MYLK: variants seen among roughly 807,000 people sequenced by gnomAD.
MYLK encodes the protein myosin light chain kinase.
In MYLK, 106 loss-of-function variants were observed where a neutral mutation model predicts 203.4. The ratio of observed to expected loss-of-function variants is 0.52; its 90% CI spans 0.45 to 0.61. The LOEUF (loss-of-function observed/expected upper bound fraction) is 0.61. Ranked by LOEUF, MYLK falls within the 20% of genes least tolerant of loss-of-function variation. MYLK has a pLI of 0.00. For synonymous variants in MYLK, 867 were observed against 959.5 expected, an observed-to-expected ratio of 0.90 and a Z score of 1.78; for missense variants, 2,072 against 2,442.3, an observed-to-expected ratio of 0.85 and a Z score of 3.20.
At chr3:123,650,297 C>T (rs538039864) in intron 24 of MYLK, among the ~76,000 whole-genome samples, 12 of 152,186 alleles carry the variant, frequency 7.9e-5, no homozygotes, top group Non-Finnish European at 1.6e-4. Flanking sequence ...CCTCAGCCAT[C>T]GTCTGGGCTG....
At chr3:123,723,564 G>A (rs1239087196) in intron 12 of MYLK, among the ~76,000 whole-genome samples, 3 of 152,218 alleles carry the variant, frequency 2.0e-5, no homozygotes, top group Admixed American at 2.0e-4. Context: ...CCTTTTGAGA[G>A]CTCTCCTTTA....
intron 4 of MYLK, 148 bp downstream of exon 4, chr3:123,793,528 GA>G: frequency 1.2e-6 from 1 of 843,354 alleles, no homozygotes; most frequent in Non-Finnish European, 1.8e-6. Context: ...AAAAGAAAGA[GA>G]AAAGTGGCAC....
intron 31 of MYLK, chr3:123,625,227 G>A (rs926007993): frequency 2.0e-5 from 3 of 152,190 alleles, no homozygotes; most frequent in Admixed American, 6.5e-5. Flanking sequence ...CTCTGGTTGC[G>A]ACCAGGTCCG....
At chr3:123,758,803 G>T (rs1036506740) in intron 4 of MYLK, among the ~76,000 whole-genome samples, 1 of 152,108 alleles carries the variant, frequency 6.6e-6, no homozygotes, top group Non-Finnish European at 1.5e-5. Context: ...GCCAAACAAA[G>T]ATACAGATTT....
chr3:123,717,370 A>G (rs1412166657), intron 13 of MYLK, among the ~76,000 whole-genome samples: 1 of 152,234 alleles, frequency 6.6e-6, no homozygotes, highest in Non-Finnish European at 1.5e-5. Context: ...ATCAAAACAA[A>G]TACTCTAATA....
chr3:123,683,602 T>C (rs1638924986), intron 19 of MYLK, among the ~76,000 whole-genome samples: 1 of 152,160 alleles, frequency 6.6e-6, no homozygotes, highest in African/African-American at 2.4e-5. Flanking sequence ...ATCACCCCGA[T>C]AGGCTTTCTT....
At chr3:123,638,355 A>C (rs956008292) in intron 28 of MYLK, among the ~76,000 whole-genome samples, 161 bp from the exon 29 acceptor site, 2 of 152,120 alleles carry the variant, frequency 1.3e-5, no homozygotes, top group African/African-American at 4.8e-5. Flanking sequence ...CTTGTTAAAC[A>C]GGTGCGTCAA....
chr3:123,776,209 C>G (rs114113178), intron 4 of MYLK, among the ~76,000 whole-genome samples: 1 of 152,130 alleles, frequency 6.6e-6, no homozygotes, highest in African/African-American at 2.4e-5. Flanking sequence ...AACCAAGCTA[C>G]GAGCTGGGGC....
intron 3 of MYLK, among the ~76,000 whole-genome samples, chr3:123,811,878 G>T (rs2065572883): frequency 6.6e-6 from 1 of 152,138 alleles, no homozygotes; most frequent in African/African-American, 2.4e-5. Context: ...ATACTTATTT[G>T]TATCATTTTT....
In MYLK at chr3:123,839,663, A is replaced by C. The variant is rs574848671; in HGVS notation, c.-126-7993T>G. 4.6e-5 allele frequency among the ~76,000 whole-genome samples: 7 copies of C among 152,338 alleles called. No individual in the cohort carries two copies. The South Asian group carries it at 1.5e-3, about 32-fold the overall frequency. On this transcript the variant is annotated intron_variant, in intron 2 of 33. Transcript: ENST00000360304. ...AATTGATAAAACAAGTACACAGAAA[A>C]TAAGTAAGAATTTAGAAAGGTGAAC...
intron 5 of MYLK, 95 bp downstream of exon 5, chr3:123,752,236 C>T (rs956640099): frequency 4.9e-5 from 65 of 1,313,646 alleles, no homozygotes; most frequent in Admixed American, 1.7e-5. Flanking sequence ...TTGTCAGTTC[C>T]TCCATCCTTC....
intron 20 of MYLK, among the ~76,000 whole-genome samples, chr3:123,679,317 A>AG (rs1418340577): frequency 1.3e-5 from 2 of 151,752 alleles, no homozygotes; most frequent in African/African-American, 4.8e-5. Context: ...AAAAAAAAAA[A>AG]AAAAACAAAA....
At chr3:123,694,756 C>A (rs1415004994) in intron 18 of MYLK, among the ~76,000 whole-genome samples, 1 of 152,266 alleles carries the variant, frequency 6.6e-6, no homozygotes, top group Non-Finnish European at 1.5e-5. Flanking sequence ...ATGGGGCAGG[C>A]AGCTTTTCCA....
chr3:123,797,763 A>G (rs1404220021), intron 3 of MYLK, among the ~76,000 whole-genome samples: 2 of 152,200 alleles, frequency 1.3e-5, no homozygotes, highest in African/African-American at 2.4e-5. Flanking sequence ...TCAGCCTCAT[A>G]AAGTTGAAGG....
At chr3:123,819,996 T>C (rs3911406) in intron 3 of MYLK, among the ~76,000 whole-genome samples, 27,669 of 151,978 alleles carry the variant, frequency 0.18, 4,104 homozygotes, top group East Asian at 0.55. Context: ...TACGGAGAGC[T>C]TCTAACTTCA....
At chr3:123,759,819 C>G (rs937245698) in intron 4 of MYLK, among the ~76,000 whole-genome samples, 1 of 152,206 alleles carries the variant, frequency 6.6e-6, no homozygotes, top group African/African-American at 2.4e-5. Context: ...TTTCTTGCCT[C>G]CTCCCAGAAG....
Position 123,618,700 on chromosome 3 carries a change from C to G in MYLK, c.5439G>C (p.Lys1813Asn). 1 of 1,614,150 alleles carries G rather than the reference C, an allele frequency of 6.2e-7. No homozygotes were observed. Among genetic ancestry groups the G allele is most frequent in the Middle Eastern group, 1.7e-4 (1 of 6,060 alleles). ...CCACAACTTCTAAATCGCGAATGGT[C>G]TTAGAGAAATAGGGTTTTACATGAG... is the stretch of plus-strand genomic sequence containing the variant. ...EKPHVKPYFS[K>N]TIRDLEVVEG... Residue 1813 changes from lysine (K) to asparagine (N), a missense_variant, in exon 33 of 34, where the codon AAG (lysine) becomes AAC (asparagine). By Grantham distance (94) the Lys-to-Asn change is moderately conservative (BLOSUM62 0). Transcript: ENST00000360304.
rs765840432 is a variant in MYLK at position 123,708,735 on chromosome 3, A to C, written c.2103T>G (p.Ala701=). The C allele has an allele frequency of 1.9e-6, 3 of 1,614,180 alleles. No individual in the cohort carries two copies. Among genetic ancestry groups the C allele is most frequent in the Non-Finnish European group, 2.5e-6 (3 of 1,180,036 alleles). The change falls in exon 15 of 34, where the codon GCT becomes GCG. Residue 701 remains alanine, a synonymous_variant. Coordinates refer to ENST00000360304, the MANE Select transcript of MYLK (RefSeq NM_053025.4). ...GTYTCEAWNS[A]GEVRTQAVLT... is the part of the protein sequence containing the mutation. ...GCACGGCCTGGGTGCGGACCTCTCC[A>C]GCGCTGTTCCAGGCCTCGCAGGTGT...
chr3:123,875,196 C>T (rs947233986), intron 2 of MYLK, among the ~76,000 whole-genome samples: 2 of 152,136 alleles, frequency 1.3e-5, no homozygotes, highest in African/African-American at 2.4e-5. Flanking sequence ...TCATTATCAC[C>T]TCAAACTGGA....
Sources: allele counts gnomAD v4.1 joint callset (sites outside exome capture counted in the v4.1 genomes callset), GRCh38; gene constraint gnomAD v4.1.1; transcripts MANE v1.5; gene names NCBI Gene and HGNC (gene_info 2026-07-23, HGNC 2026-07-21).